The following CDH13 variants were observed in gnomAD, a reference collection of about 807,000 sequenced individuals.
CDH13 encodes cadherin 13, also known as cadherin-13.
In CDH13, 24 loss-of-function variants were observed where a neutral mutation model predicts 63.8. The observed-to-expected ratio is 0.38, with a 90% CI of 0.27 to 0.53. The LOEUF (loss-of-function observed/expected upper bound fraction) is 0.53. CDH13 is among the 20% of genes least tolerant of loss of function. The pLI is 0.85. For synonymous variants in CDH13, 503 were observed against 355.3 expected, an observed-to-expected ratio of 1.42 and a Z score of -4.67; for missense variants, 1,049 against 903.1, an observed-to-expected ratio of 1.16 and a Z score of -2.07.
chr16:83,219,187 A>G (rs1417322367), intron 5 of CDH13, among the ~76,000 whole-genome samples: 9 of 152,214 alleles, frequency 5.9e-5, no homozygotes, highest in Non-Finnish European at 7.3e-5. Flanking sequence ...ATTCTTGTCC[A>G]TAAAGTATGA....
chr16:83,548,272 G>C (rs1191329032), intron 7 of CDH13, among the ~76,000 whole-genome samples: 1 of 152,200 alleles, frequency 6.6e-6, no homozygotes, highest in African/African-American at 2.4e-5. Flanking sequence ...ACCAGGGACA[G>C]TTGTGTCTTC....
chr16:82,799,439 CAG>C (rs1406921304), intron 1 of CDH13, among the ~76,000 whole-genome samples: 1 of 152,198 alleles, frequency 6.6e-6, no homozygotes, highest in African/African-American at 2.4e-5. Flanking sequence ...TAGACATACT[CAG>C]CAGTCTGCTT....
chr16:82,786,112 A>C (rs1276765870), intron 1 of CDH13, among the ~76,000 whole-genome samples: 1 of 152,118 alleles, frequency 6.6e-6, no homozygotes, highest in Admixed American at 6.5e-5. Context: ...GATCAGAATG[A>C]GTTAGGGTGG....
intron 3 of CDH13, among the ~76,000 whole-genome samples, chr16:83,104,713 A>G (rs1477835320): frequency 6.6e-6 from 1 of 152,114 alleles, no homozygotes; most frequent in Admixed American, 6.5e-5. Context: ...GTCGTAGGAG[A>G]TATTTAAGAA....
intron 5 of CDH13, among the ~76,000 whole-genome samples, chr16:83,331,689 G>T (rs2090483496): frequency 6.6e-6 from 1 of 152,152 alleles, no homozygotes; most frequent in Admixed American, 6.5e-5. Flanking sequence ...ATAGTGGAAT[G>T]CCTTTATTTT....
At chr16:83,521,276 T>C (rs974863544) in intron 7 of CDH13, among the ~76,000 whole-genome samples, 2 of 151,964 alleles carry the variant, frequency 1.3e-5, no homozygotes, top group East Asian at 3.9e-4. Context: ...AGTTATAAAG[T>C]AATCGGCCAC....
At chr16:83,658,502 G>A (rs1275615168) in intron 8 of CDH13, among the ~76,000 whole-genome samples, 2 of 142,540 alleles carry the variant, frequency 1.4e-5, no homozygotes, top group Non-Finnish European at 3.0e-5. Context: ...CACCAGCAAG[G>A]TCCCATGTCC....
intron 2 of CDH13, among the ~76,000 whole-genome samples, chr16:83,015,352 A>G (rs1013587417): frequency 2.0e-5 from 3 of 151,950 alleles, no homozygotes; most frequent in South Asian, 2.1e-4. Context: ...TCAGTGATCA[A>G]TAGAATGACC....
chr16:83,247,962 A>G (rs75017822), intron 5 of CDH13, among the ~76,000 whole-genome samples: 6,592 of 152,252 alleles, frequency 0.043, 184 homozygotes, highest in Middle Eastern at 0.075. Flanking sequence ...TGCACGCTCC[A>G]TTTCTGAAGT....
At chr16:82,926,003 C>T (rs1280475943) in intron 2 of CDH13, 1 of 151,988 alleles carries the variant, frequency 6.6e-6, no homozygotes. Flanking sequence ...GGATAACCAG[C>T]AGGAGAGTTG....
intron 11 of CDH13, among the ~76,000 whole-genome samples, chr16:83,773,293 A>T (rs1231193207): frequency 6.6e-6 from 1 of 152,222 alleles, no homozygotes; most frequent in East Asian, 1.9e-4. Context: ...CAAGGCCTAT[A>T]TTAGTCCATT....
chr16:83,365,799 C>T (rs1005035753), intron 6 of CDH13, among the ~76,000 whole-genome samples: 12 of 152,276 alleles, frequency 7.9e-5, no homozygotes, highest in African/African-American at 2.9e-4. Flanking sequence ...CCTGAGGATT[C>T]AACCTGCTGC....
intron 7 of CDH13, among the ~76,000 whole-genome samples, chr16:83,599,515 A>C (rs979610566): frequency 1.3e-5 from 2 of 152,228 alleles, no homozygotes; most frequent in Non-Finnish European, 2.9e-5. Flanking sequence ...CAAACCAAAA[A>C]AATTTTTAAA....
chr16:82,685,736 T>C (rs892884255), intron 1 of CDH13, among the ~76,000 whole-genome samples: 5 of 152,184 alleles, frequency 3.3e-5, no homozygotes, highest in Non-Finnish European at 5.9e-5. Context: ...TTCGCTTCAG[T>C]TGGCTTTTAT....
chr16:82,749,427 G>T (rs1032550509), intron 1 of CDH13, among the ~76,000 whole-genome samples: 1 of 152,160 alleles, frequency 6.6e-6, no homozygotes, highest in Non-Finnish European at 1.5e-5. Context: ...GATTTATCGT[G>T]ACAGGAGTGG....
chr16:83,444,760 G>C (rs191007548), intron 6 of CDH13, among the ~76,000 whole-genome samples: 1 of 70,142 alleles, frequency 1.4e-5, no homozygotes, highest in African/African-American at 4.6e-5. Context: ...TCTGACTGCC[G>C]AGTTAATTTA....
intron 2 of CDH13, among the ~76,000 whole-genome samples, chr16:83,025,652 A>T (rs1915733556): frequency 6.6e-6 from 1 of 152,204 alleles, no homozygotes; most frequent in Non-Finnish European, 1.5e-5. Flanking sequence ...TGGTTTGCCC[A>T]ACGTCACAGG....
intron 12 of CDH13, among the ~76,000 whole-genome samples, chr16:83,781,145 G>C (rs1915492332): frequency 6.6e-6 from 1 of 151,966 alleles, no homozygotes; most frequent in African/African-American, 2.4e-5. Context: ...CCTCCCACAA[G>C]TCCTTCCACA....
At chr16:83,310,577 G>A (rs963035813) in intron 5 of CDH13, among the ~76,000 whole-genome samples, 1 of 152,146 alleles carries the variant, frequency 6.6e-6, no homozygotes, top group Non-Finnish European at 1.5e-5. Flanking sequence ...TTGCCTTTTA[G>A]GTCCTTCACA....
Sources: gnomAD v4.1 joint callset for allele counts (sites outside exome capture counted in the v4.1 genomes callset) on GRCh38, gnomAD v4.1.1 for gene constraint, MANE v1.5 for transcripts, NCBI Gene and HGNC (gene_info 2026-07-23, HGNC 2026-07-21) for gene names.